Variants in PIK3C2A observed in about 807,000 individuals in gnomAD.
PIK3C2A encodes the protein phosphatidylinositol 4-phosphate 3-kinase C2 domain-containing subunit alpha.
In PIK3C2A, 97 loss-of-function variants were observed where a neutral mutation model predicts 204.5. The ratio of observed to expected loss-of-function variants is 0.47; its 90% CI spans 0.40 to 0.56. The LOEUF (loss-of-function observed/expected upper bound fraction) is 0.56, where lower values mean the gene tolerates loss of function less well. PIK3C2A is among the 20% of genes least tolerant of loss of function. PIK3C2A has a pLI of 0.00. For missense variants in PIK3C2A, 1,735 were observed against 1,969.2 expected, an observed-to-expected ratio of 0.88 and a Z score of 2.25; for synonymous variants, 653 against 664.4, an observed-to-expected ratio of 0.98 and a Z score of 0.26.
At chr11:17,193,869 A>AGGGG (rs1565305770) in intron 1 of PIK3C2A, 7 of 91,884 alleles carry the variant, frequency 7.6e-5, no homozygotes, top group East Asian at 1.8e-3. Context: ...AAAGAAAAGA[A>AGGGG]AAGAAAAGAA....
At chr11:17,135,280 T>C (rs1279405416) in intron 9 of PIK3C2A, 121 bp from the exon 10 acceptor site, 7 of 872,456 alleles carry the variant, frequency 8.0e-6, no homozygotes, top group Non-Finnish European at 1.3e-5. Context: ...ACAGAATTAA[T>C]AAAACGATAA....
At chr11:17,136,785 A>G (rs1327176227) in intron 8 of PIK3C2A, among the ~76,000 whole-genome samples, 160 bp from the exon 9 acceptor site, 1 of 152,232 alleles carries the variant, frequency 6.6e-6, no homozygotes, top group Non-Finnish European at 1.5e-5. Context: ...TGTATAGTTT[A>G]TTTCAAAGTA....
chr11:17,160,417 A>G lies in PIK3C2A; in HGVS notation c.1066-4788T>C, dbSNP rs12287127. Among the ~76,000 whole-genome samples the G allele has an allele frequency of 6.0e-3, 907 of 152,360 alleles. 18 individuals carry two copies. The highest frequency in any genetic ancestry group is 0.021 in the African/African-American group (863 of 41,584). ...GGATGTAGTCAATTTTTAAAAAATA[A>G]GCAAAAGGGCTAAATGGTGAATATG... On this transcript the variant is annotated intron_variant, in intron 2 of 32. Transcript: ENST00000691414.
At chr11:17,149,488 G>T (rs1485580034) in intron 4 of PIK3C2A, among the ~76,000 whole-genome samples, 2 of 152,148 alleles carry the variant, frequency 1.3e-5, no homozygotes, top group African/African-American at 2.4e-5. Flanking sequence ...CCCCACAGAT[G>T]ATATTTAGCA....
chr11:17,126,831 T>C (rs1849542087), intron 13 of PIK3C2A, among the ~76,000 whole-genome samples: 1 of 152,230 alleles, frequency 6.6e-6, no homozygotes, highest in South Asian at 2.1e-4. Context: ...TGATAGTCTC[T>C]TGAATTATGA....
chr11:17,129,493 G>A (rs779154519), intron 12 of PIK3C2A, 26 bp from the exon 13 acceptor site: 4 of 1,423,762 alleles, frequency 2.8e-6, no homozygotes, highest in Non-Finnish European at 3.9e-6. Context: ...TGTATTAATA[G>A]AACAAATTAG....
At chr11:17,150,365 C>T (rs1053281641) in intron 4 of PIK3C2A, 133 bp downstream of exon 4, 21 of 647,110 alleles carry the variant, frequency 3.2e-5, no homozygotes, top group African/African-American at 1.5e-4. Flanking sequence ...CTAGTTCTAA[C>T]GAGAAAACTA....
At chr11:17,154,387 A>T (rs1344588862) in intron 3 of PIK3C2A, among the ~76,000 whole-genome samples, 1 of 152,190 alleles carries the variant, frequency 6.6e-6, no homozygotes, top group Admixed American at 6.5e-5. Context: ...TTTTAATAAA[A>T]TATCACCAAT....
chr11:17,152,692 G>A (rs1850460503), intron 3 of PIK3C2A, among the ~76,000 whole-genome samples: 1 of 152,014 alleles, frequency 6.6e-6, no homozygotes. Flanking sequence ...TATTTAGTGT[G>A]GCTCTACAGT....
chr11:17,138,048 A>T (rs770572274), intron 8 of PIK3C2A: 1 of 651,226 alleles, frequency 1.5e-6, no homozygotes, highest in African/African-American at 1.8e-5. Flanking sequence ...TGATAAGGAA[A>T]GCATGCTTGA....
intron 27 of PIK3C2A, 59 bp downstream of exon 27, chr11:17,096,998 G>A (rs1848472610): frequency 1.0e-6 from 1 of 998,578 alleles, no homozygotes; most frequent in Non-Finnish European, 1.6e-6. Flanking sequence ...AGCAAAGGAA[G>A]TAGAAAGGAC....
At chr11:17,168,449 CG>C (rs1851043134) in intron 2 of PIK3C2A, among the ~76,000 whole-genome samples, 1 of 151,808 alleles carries the variant, frequency 6.6e-6, no homozygotes, top group Non-Finnish European at 1.5e-5. Flanking sequence ...GGTGTGGTGG[CG>C]GGTGCCTGTA....
At chr11:17,139,866 T>G (rs1411587309) in intron 8 of PIK3C2A, among the ~76,000 whole-genome samples, 1 of 152,192 alleles carries the variant, frequency 6.6e-6, no homozygotes, top group South Asian at 2.1e-4. Flanking sequence ...CTTCTCTGCT[T>G]CTTCTACCAG....
chr11:17,127,558 C>T (rs1466472943), intron 13 of PIK3C2A, among the ~76,000 whole-genome samples: 1 of 152,160 alleles, frequency 6.6e-6, no homozygotes, highest in Non-Finnish European at 1.5e-5. Context: ...ATCCACCCAC[C>T]TCAGCCTCCC....
At chr11:17,132,825 T>C (rs1849744249) in intron 11 of PIK3C2A, among the ~76,000 whole-genome samples, 1 of 152,222 alleles carries the variant, frequency 6.6e-6, no homozygotes, top group Non-Finnish European at 1.5e-5. Context: ...CTTCCTAGTC[T>C]ATTGGGAGTC....
At position 17,138,149 on chromosome 11, in the gene PIK3C2A, T is replaced by C; in HGVS notation, c.1705-1524A>G. On this transcript the variant is annotated intron_variant, in intron 8 of 32. Coordinates refer to ENST00000691414, the MANE Select transcript of PIK3C2A (RefSeq NM_002645.4). ...TGGACAATCTCATAAGGGCTTTAGG[T>C]CTCACAGCACGAACCCCTCAAAGTC... is the stretch of plus-strand genomic sequence containing the variant. 3.8e-6 allele frequency: 3 copies of C among 793,822 alleles called. No homozygotes were observed. In the Admixed American group the frequency reaches 5.3e-5, roughly 14 times the overall value. The allele number at this position is 793,822 out of a possible 1,614,324, so 49.2% of individuals were successfully genotyped here. A position where few individuals can be genotyped will look rare whatever the true frequency, so the allele number is the denominator to read the frequency against.
At position 17,104,871 on chromosome 11, in the gene PIK3C2A, T is replaced by C. The variant is rs542688949; in HGVS notation, c.3681+298A>G. On this transcript the variant is annotated intron_variant, in intron 23 of 32. Coordinates refer to ENST00000691414, the MANE Select transcript of PIK3C2A (RefSeq NM_002645.4). ...AGCCCATTTTACTCATTTCCCTACC[T>C]TCCTCCAAGATCTTTGGGAAATATA... Among the ~76,000 whole-genome samples, 11 of 152,226 alleles carry C rather than the reference T, an allele frequency of 7.2e-5. No individual in the cohort carries two copies. The East Asian group carries it at 1.9e-3, about 27-fold the overall frequency.
chr11:17,115,605 T>C (rs1056237495), intron 19 of PIK3C2A: 1 of 150,236 alleles, frequency 6.7e-6, no homozygotes, highest in Non-Finnish European at 1.5e-5. Flanking sequence ...TGATATAGAA[T>C]TGAGAGTCTA....
chr11:17,192,737 G>A (rs568176146), intron 1 of PIK3C2A, among the ~76,000 whole-genome samples: 3 of 152,266 alleles, frequency 2.0e-5, no homozygotes, highest in Admixed American at 1.3e-4. Flanking sequence ...GTAAGCCACC[G>A]TGCCTGGCCA....
Sources: allele counts gnomAD v4.1 joint callset (sites outside exome capture counted in the v4.1 genomes callset), GRCh38; gene constraint gnomAD v4.1.1; transcripts MANE v1.5; gene names NCBI Gene and HGNC (gene_info 2026-07-23, HGNC 2026-07-21).